The following SRD5A2 variants were observed in gnomAD, a reference collection of about 807,000 sequenced individuals.
The protein encoded by SRD5A2 is 3-oxo-5-alpha-steroid 4-dehydrogenase 2.
A neutral mutation model predicts 27.4 loss-of-function variants in SRD5A2; 30 were observed. That is an observed-to-expected ratio of 1.10 (90% CI 0.82 to 1.49). The LOEUF (loss-of-function observed/expected upper bound fraction) is 1.49. Among genes scored for constraint, SRD5A2 ranks in the 40% most tolerant of loss-of-function variants. SRD5A2 has a pLI of 0.00. For synonymous variants in SRD5A2, 141 were observed against 133.6 expected, an observed-to-expected ratio of 1.06 and a Z score of -0.38; for missense variants, 348 against 323.4, an observed-to-expected ratio of 1.08 and a Z score of -0.58.
the SRD5A2 span, among the ~76,000 whole-genome samples, chr2:31,588,306 C>T: frequency 5.0e-5 from 1 of 20,128 alleles, no homozygotes; most frequent in Non-Finnish European, 8.9e-5. Flanking sequence ...AAAGAGACTA[C>T]CTCAAGGCAT....
At chr2:31,622,948 T>C in the SRD5A2 span, among the ~76,000 whole-genome samples, 1 of 151,814 alleles carries the variant, frequency 6.6e-6, no homozygotes, top group Non-Finnish European at 1.5e-5. Context: ...CATCCACTTA[T>C]CAAGCTTTTT....
the SRD5A2 span, among the ~76,000 whole-genome samples, chr2:31,594,515 A>G: frequency 6.6e-6 from 1 of 152,200 alleles, no homozygotes; most frequent in Admixed American, 6.5e-5. Flanking sequence ...AATTCTAATT[A>G]TATATGCACC....
chr2:31,631,490 C>T, the SRD5A2 span, among the ~76,000 whole-genome samples: 10 of 152,048 alleles, frequency 6.6e-5, no homozygotes, highest in African/African-American at 2.2e-4. Context: ...AACGTTCCCC[C>T]CCAAGGCAAA....
chr2:31,615,665 A>G, the SRD5A2 span, among the ~76,000 whole-genome samples: 200 of 152,312 alleles, frequency 1.3e-3, no homozygotes, highest in Middle Eastern at 0.027. Context: ...GAAAAACCCC[A>G]TTTTCTGAGG....
chr2:31,531,660 GT>G (rs1296520527), intron 2 of SRD5A2, among the ~76,000 whole-genome samples, 188 bp from the exon 3 acceptor site: 1 of 152,220 alleles, frequency 6.6e-6, no homozygotes, highest in African/African-American at 2.4e-5. Flanking sequence ...TGGGTGTGCT[GT>G]TTCCTAGACT....
At chr2:31,624,622 C>A in the SRD5A2 span, among the ~76,000 whole-genome samples, 1 of 151,996 alleles carries the variant, frequency 6.6e-6, no homozygotes, top group Non-Finnish European at 1.5e-5. Context: ...GTTTTCTGTC[C>A]TTGCGATAGT....
intron 1 of SRD5A2, among the ~76,000 whole-genome samples, chr2:31,569,796 G>A (rs1263513343): frequency 1.3e-5 from 2 of 151,908 alleles, no homozygotes; most frequent in African/African-American, 4.8e-5. Context: ...TCTTGTAGAA[G>A]GAAATATAAG....
At chr2:31,544,848 A>G (rs1666210758) in intron 1 of SRD5A2, among the ~76,000 whole-genome samples, 1 of 151,936 alleles carries the variant, frequency 6.6e-6, no homozygotes, top group Non-Finnish European at 1.5e-5. Context: ...TATTACTAAA[A>G]TCATAAATAA....
At chr2:31,630,455 A>G in the SRD5A2 span, among the ~76,000 whole-genome samples, 1 of 152,196 alleles carries the variant, frequency 6.6e-6, no homozygotes, top group Non-Finnish European at 1.5e-5. Context: ...AGTCTTCTCT[A>G]TGACCCTATA....
intron 4 of SRD5A2, chr2:31,527,760 G>T (rs1665814963): frequency 6.6e-6 from 1 of 152,206 alleles, no homozygotes; most frequent in Non-Finnish European, 1.5e-5. Context: ...TCCTCACAGA[G>T]TCTAGGAGGT....
chr2:31,616,022 A>AACATGCAAG, the SRD5A2 span, among the ~76,000 whole-genome samples: 1 of 151,982 alleles, frequency 6.6e-6, no homozygotes, highest in South Asian at 2.1e-4. Flanking sequence ...TCAAGAATTT[A>AACATGCAAG]GGTTTGGGAA....
chr2:31,659,433 TCA>T, the SRD5A2 span, among the ~76,000 whole-genome samples: 1 of 152,042 alleles, frequency 6.6e-6, no homozygotes, highest in East Asian at 1.9e-4. Context: ...CTAGAAAACC[TCA>T]TAGTCTCTGC....
At chr2:31,628,463 T>C in the SRD5A2 span, among the ~76,000 whole-genome samples, 8 of 152,176 alleles carry the variant, frequency 5.3e-5, no homozygotes, top group Non-Finnish European at 1.0e-4. Context: ...GCATTTGGCC[T>C]GTTTGCATTC....
rs1665703920 is a variant in SRD5A2 at position 31,523,533 on chromosome 2, G to C, written c.*2663C>G. ...CCTATAATGTGAAGTGGTAGGAATAGCTGATGTCTGAGGTCTGCTTCAGCT... is the reference window on the plus strand; with the variant it reads ...CCTATAATGTGAAGTGGTAGGAATACCTGATGTCTGAGGTCTGCTTCAGCT... On this transcript the variant is annotated 3_prime_UTR_variant, in exon 5 of 5. Coordinates refer to ENST00000622030, the MANE Select transcript of SRD5A2 (RefSeq NM_000348.4). The C allele has an allele frequency of 3.2e-5, 7 of 220,684 alleles. No homozygotes were observed. In the Admixed American group the frequency reaches 4.0e-4, roughly 13 times the overall value. 13.7% of individuals were successfully genotyped at this position (220,684 alleles called of 1,614,324 possible).
the SRD5A2 span, among the ~76,000 whole-genome samples, chr2:31,659,552 A>T: frequency 6.6e-6 from 1 of 152,202 alleles, no homozygotes; most frequent in Non-Finnish European, 1.5e-5. Context: ...CCAAGCTGAG[A>T]GCCAGATCAA....
intron 1 of SRD5A2, among the ~76,000 whole-genome samples, chr2:31,565,798 T>C (rs1305068218): frequency 1.3e-5 from 2 of 152,094 alleles, no homozygotes; most frequent in South Asian, 2.1e-4. Context: ...ACTGGTAGAA[T>C]AGGTAGAGAG....
chr2:31,633,035 GA>G, the SRD5A2 span, among the ~76,000 whole-genome samples: 14 of 152,038 alleles, frequency 9.2e-5, no homozygotes, highest in African/African-American at 3.1e-4. Flanking sequence ...CCGGGGTCAG[GA>G]GAAAGGAAAG....
At chr2:31,541,607 T>TA (rs1666130900) in intron 1 of SRD5A2, among the ~76,000 whole-genome samples, 1 of 148,078 alleles carries the variant, frequency 6.8e-6, no homozygotes, top group African/African-American at 2.5e-5. Flanking sequence ...AGCACCTTCG[T>TA]AAAAACAGGA....
chr2:31,545,032 C>G (rs1666215827), intron 1 of SRD5A2, among the ~76,000 whole-genome samples: 1 of 151,342 alleles, frequency 6.6e-6, no homozygotes, highest in South Asian at 2.1e-4. Flanking sequence ...AGACTTATAA[C>G]TAGTAAGGAG....
Sources: gnomAD v4.1 joint callset for allele counts (sites outside exome capture counted in the v4.1 genomes callset) on GRCh38, gnomAD v4.1.1 for gene constraint, MANE v1.5 for transcripts, NCBI Gene and HGNC (gene_info 2026-07-23, HGNC 2026-07-21) for gene names.